KCNQ5: variants seen among roughly 807,000 people sequenced by gnomAD.
KCNQ5 encodes the protein potassium voltage-gated channel subfamily KQT member 5.
A neutral mutation model predicts 98.2 loss-of-function variants in KCNQ5; 30 were observed. The ratio of observed to expected loss-of-function variants is 0.31; its 90% CI spans 0.23 to 0.41. The LOEUF (loss-of-function observed/expected upper bound fraction) is 0.41, where lower values mean the gene tolerates loss of function less well. Among genes scored for constraint, KCNQ5 ranks in the 10% least tolerant of loss-of-function variants. The pLI is 1.00. For synonymous variants in KCNQ5, 458 were observed against 449.4 expected, an observed-to-expected ratio of 1.02 and a Z score of -0.24; for missense variants, 835 against 1,182.5, an observed-to-expected ratio of 0.71 and a Z score of 4.31.
chr6:72,635,292 A>T (rs2098923395), intron 1 of KCNQ5, among the ~76,000 whole-genome samples: 1 of 152,082 alleles, frequency 6.6e-6, no homozygotes, highest in Non-Finnish European at 1.5e-5. Context: ...GGCCTCACAA[A>T]GTGCTGGGAT....
At chr6:72,665,120 G>T (rs568312310) in intron 1 of KCNQ5, among the ~76,000 whole-genome samples, 22 of 152,204 alleles carry the variant, frequency 1.4e-4, no homozygotes, top group African/African-American at 5.1e-4. Flanking sequence ...GGCCACGGTA[G>T]GTGTATCACT....
intron 1 of KCNQ5, among the ~76,000 whole-genome samples, chr6:72,820,484 C>T (rs1035925050): frequency 6.9e-6 from 1 of 145,498 alleles, no homozygotes; most frequent in East Asian, 2.0e-4. Context: ...TTCTTTCTTT[C>T]TTTTTTTTTT....
intron 5 of KCNQ5, among the ~76,000 whole-genome samples, chr6:73,078,290 C>T (rs1019190464): frequency 6.6e-6 from 1 of 151,942 alleles, no homozygotes; most frequent in African/African-American, 2.4e-5. Context: ...TGAATGGAAG[C>T]TGTGAATAAA....
chr6:72,671,149 G>A (rs1025316977), intron 1 of KCNQ5, among the ~76,000 whole-genome samples: 4 of 152,180 alleles, frequency 2.6e-5, no homozygotes, highest in East Asian at 1.9e-4. Flanking sequence ...AGATGAAAGC[G>A]TTCTCTCAGG....
At chr6:72,629,829 G>A (rs750584559) in intron 1 of KCNQ5, among the ~76,000 whole-genome samples, 2 of 151,864 alleles carry the variant, frequency 1.3e-5, no homozygotes, top group Non-Finnish European at 2.9e-5. Context: ...AGTTTTATTT[G>A]GTTGCAACCT....
chr6:72,979,412 T>C (rs1768321593), intron 1 of KCNQ5, among the ~76,000 whole-genome samples: 1 of 152,262 alleles, frequency 6.6e-6, no homozygotes, highest in Admixed American at 6.5e-5. Context: ...GATTTGCATT[T>C]CTTTGATGAC....
At position 73,154,960 on chromosome 6, in the gene KCNQ5, C is replaced by T. The variant is rs186949236; in HGVS notation, c.1469-14786C>T. ...CCAAAATCCCATGAATGACAAGGCA[C>T]GGTCCTGCCCTCATGGAGCTCACTG... On this transcript the variant is annotated intron_variant, in intron 10 of 13. Transcript: ENST00000370398. 6.6e-5 allele frequency among the ~76,000 whole-genome samples: 10 copies of T among 151,936 alleles called. 1 individual carries two copies. The East Asian group carries it at 1.5e-3, about 23-fold the overall frequency.
intron 1 of KCNQ5, among the ~76,000 whole-genome samples, chr6:72,911,347 G>A (rs915116379): frequency 6.6e-6 from 1 of 152,164 alleles, no homozygotes; most frequent in Admixed American, 6.5e-5. Context: ...GAGCTAGCTA[G>A]CCTCTCTTTC....
At chr6:72,945,170 T>A (rs1766477896) in intron 1 of KCNQ5, among the ~76,000 whole-genome samples, 1 of 152,226 alleles carries the variant, frequency 6.6e-6, no homozygotes, top group Admixed American at 6.5e-5. Flanking sequence ...AGTCATTTTA[T>A]TATTTGAAGA....
At chr6:72,961,665 C>T (rs904323618) in intron 1 of KCNQ5, among the ~76,000 whole-genome samples, 12 of 145,164 alleles carry the variant, frequency 8.3e-5, no homozygotes, top group African/African-American at 2.3e-4. Context: ...CTGGGGAAGG[C>T]AGGGTTGGTG....
At chr6:73,096,648 A>G (rs1030067409) in intron 5 of KCNQ5, among the ~76,000 whole-genome samples, 2 of 152,204 alleles carry the variant, frequency 1.3e-5, no homozygotes, top group South Asian at 4.1e-4. Context: ...TTATAGTTGT[A>G]TATATTTCTG....
chr6:72,638,887 G>A (rs1209016391), intron 1 of KCNQ5, among the ~76,000 whole-genome samples: 2 of 152,182 alleles, frequency 1.3e-5, no homozygotes, highest in Non-Finnish European at 2.9e-5. Flanking sequence ...CAGAAACGGA[G>A]AATAGGAGAA....
chr6:73,049,312 A>G (rs1489954688), intron 3 of KCNQ5, among the ~76,000 whole-genome samples: 1 of 152,232 alleles, frequency 6.6e-6, no homozygotes, highest in Non-Finnish European at 1.5e-5. Context: ...ATATAAATAC[A>G]TCTTTAGTTC....
intron 1 of KCNQ5, among the ~76,000 whole-genome samples, chr6:72,714,810 T>C (rs1403568545): frequency 1.3e-5 from 2 of 152,182 alleles, no homozygotes; most frequent in African/African-American, 4.8e-5. Flanking sequence ...TCTTAATATC[T>C]TGAAGATCAT....
At chr6:72,710,645 A>AT (rs930914155) in intron 1 of KCNQ5, among the ~76,000 whole-genome samples, 12 of 152,224 alleles carry the variant, frequency 7.9e-5, no homozygotes, top group African/African-American at 2.9e-4. Flanking sequence ...AAATGTAGCA[A>AT]TTGTAAATAC....
intron 1 of KCNQ5, among the ~76,000 whole-genome samples, chr6:72,705,672 G>C (rs1769040935): frequency 6.6e-6 from 1 of 151,318 alleles, no homozygotes; most frequent in Admixed American, 6.6e-5. Context: ...CTCTTCCCCT[G>C]TAGGATTTTG....
intron 1 of KCNQ5, among the ~76,000 whole-genome samples, chr6:72,680,736 T>C (rs929777164): frequency 6.6e-6 from 1 of 152,180 alleles, no homozygotes; most frequent in Non-Finnish European, 1.5e-5. Flanking sequence ...AAAATCCACA[T>C]TTACAAAAAT....
At chr6:72,985,089 C>T (rs966588251) in intron 1 of KCNQ5, among the ~76,000 whole-genome samples, 3 of 152,082 alleles carry the variant, frequency 2.0e-5, no homozygotes, top group African/African-American at 7.2e-5. Context: ...GCTGGTAGTC[C>T]TAGATACTTG....
At chr6:73,042,165 G>A (rs1379092038) in intron 3 of KCNQ5, 103 bp downstream of exon 3, 3 of 1,359,094 alleles carry the variant, frequency 2.2e-6, no homozygotes, top group Non-Finnish European at 1.1e-6. Flanking sequence ...AACATCCATG[G>A]AGTACTTATC....
Sources: allele counts gnomAD v4.1 joint callset (sites outside exome capture counted in the v4.1 genomes callset), GRCh38; gene constraint gnomAD v4.1.1; transcripts MANE v1.5; gene names NCBI Gene and HGNC (gene_info 2026-07-23, HGNC 2026-07-21).